Variants in FOXJ2 observed in about 807,000 individuals in gnomAD.
FOXJ2 encodes forkhead box protein J2.
FOXJ2 carries 18 observed loss-of-function variants against 68.4 expected under a neutral mutation model. That is an observed-to-expected ratio of 0.26 (90% CI 0.18 to 0.39). FOXJ2 has a LOEUF of 0.39. Ranked by LOEUF, FOXJ2 falls within the 10% of genes least tolerant of loss-of-function variation. The pLI, the probability that FOXJ2 is intolerant of heterozygous loss-of-function variation, is 1.00. For synonymous variants in FOXJ2, 274 were observed against 263.2 expected (o/e 1.04, Z -0.40); for missense variants, 670 against 726.5 (o/e 0.92, Z 0.89).
chr12:8,050,839 TCCTTTCCCTTC>T (rs1565631395), intron 10 of FOXJ2, among the ~76,000 whole-genome samples: 1 of 89,376 alleles, frequency 1.1e-5, no homozygotes, highest in African/African-American at 4.9e-5. Flanking sequence ...TCCCCTCCCT[TCCTTTCCCTTC>T]CCCTTCCCTT....
intron 10 of FOXJ2, among the ~76,000 whole-genome samples, chr12:8,051,049 T>C (rs1289846237): frequency 8.5e-6 from 1 of 118,332 alleles, no homozygotes; most frequent in African/African-American, 3.2e-5. Flanking sequence ...CCCTTCCCCT[T>C]CCCTTGCCCT....
chr12:8,037,846 C>T (rs1358846849), intron 1 of FOXJ2, among the ~76,000 whole-genome samples: 1 of 152,132 alleles, frequency 6.6e-6, no homozygotes, highest in Non-Finnish European at 1.5e-5. Flanking sequence ...AGCCCAGGGA[C>T]TGGGGTGTTT....
At chr12:8,043,850 C>T in intron 4 of FOXJ2, 81 bp downstream of exon 4, 1 of 1,605,456 alleles carries the variant, frequency 6.2e-7, no homozygotes, top group Non-Finnish European at 8.5e-7. Flanking sequence ...TCAGTCCTTT[C>T]AGAGGCAAAG....
At chr12:8,048,639 T>G (rs1295873177) in intron 7 of FOXJ2, 58 bp from the exon 8 acceptor site, 1 of 1,484,392 alleles carries the variant, frequency 6.7e-7, no homozygotes, top group Non-Finnish European at 9.4e-7. Context: ...TGGTATCAGT[T>G]GACTGCTGTC....
chr12:8,052,303 A>G (rs554795950), intron 10 of FOXJ2, among the ~76,000 whole-genome samples: 4 of 151,700 alleles, frequency 2.6e-5, no homozygotes, highest in Non-Finnish European at 5.9e-5. Flanking sequence ...GCTCACTGCA[A>G]GACCTCCCGG....
rs373983217 is a variant in FOXJ2, at chr12:8,040,435, T to A, written c.333+270T>A. On this transcript the variant is annotated intron_variant, in intron 2 of 10. Coordinates refer to ENST00000162391, the MANE Select transcript of FOXJ2 (RefSeq NM_018416.3). This position sits in a 1 kb window ranked among gnomAD's most constrained non-coding sequence, Gnocchi z 4.0. ...TCACACCCTCTTATCTTCTTTTTTT[T>A]TTTTGAGACAGAGTCTCGTACTGTC... is the stretch of plus-strand genomic sequence containing the variant. 4.6e-5 allele frequency among the ~76,000 whole-genome samples: 7 copies of A among 152,064 alleles called. No individual in the cohort carries two copies. Among genetic ancestry groups the A allele is most frequent in the South Asian group, 2.1e-4 (1 of 4,818 alleles).
Position 8,032,934 on chromosome 12 carries a change from C to A in FOXJ2, c.-914C>A. On this transcript the variant is annotated 5_prime_UTR_variant, in exon 1 of 11. In the 5' UTR this introduces an upstream ATG that the reference lacks. Transcript: ENST00000162391. This position sits in a 1 kb window ranked among gnomAD's most constrained non-coding sequence, Gnocchi z 4.8. Reference sequence around the variant, plus strand: ...TCGAGCCGCGGCCTCCCGGACCGTGCTGCCCAGGCCAGCTCAGGGACAGCC... The same window carrying A: ...TCGAGCCGCGGCCTCCCGGACCGTGATGCCCAGGCCAGCTCAGGGACAGCC... The A allele has an allele frequency of 2.5e-6, 1 of 397,442 alleles. No homozygotes were observed. The allele number at this position is 397,442 out of a possible 1,614,324, so 24.6% of individuals were successfully genotyped here.
In FOXJ2 at chr12:8,032,825, G is replaced by C; in HGVS notation, c.-1023G>C. On this transcript the variant is annotated 5_prime_UTR_variant, in exon 1 of 11. Coordinates refer to ENST00000162391, the MANE Select transcript of FOXJ2 (RefSeq NM_018416.3). The surrounding 1 kb of genome is among the most constrained non-coding windows in gnomAD (Gnocchi z 4.8). ...TCGGAGCCCGAGCGGTGGCAGCGCG[G>C]GGAGCCCCACGCGCCGAAGGGAGCG... 2.5e-6 allele frequency: 1 copy of C among 398,164 alleles called. No individual in the cohort carries two copies. Among genetic ancestry groups the C allele is most frequent in the Non-Finnish European group, 4.4e-6 (1 of 225,802 alleles). The allele number at this position is 398,164 out of a possible 1,614,324, so 24.7% of individuals were successfully genotyped here. A position where few individuals can be genotyped will look rare whatever the true frequency, so the allele number is the denominator to read the frequency against.
At chr12:8,044,682 G>A (rs1947010233) in intron 5 of FOXJ2, 78 bp from the exon 6 acceptor site, 3 of 1,480,600 alleles carry the variant, frequency 2.0e-6, no homozygotes, top group Non-Finnish European at 2.8e-6. Flanking sequence ...ACAGACAGGA[G>A]AGCCTGGTGA....
chr12:8,038,834 G>A lies in FOXJ2; in HGVS notation c.-14-985G>A, dbSNP rs1946929416. Among the ~76,000 whole-genome samples the A allele has an allele frequency of 6.6e-6, 1 of 152,198 alleles. No individual in the cohort carries two copies. Among genetic ancestry groups the A allele is most frequent in the Non-Finnish European group, 1.5e-5 (1 of 68,036 alleles). The stretch of plus-strand genomic sequence containing the variant: ...AGGAGTTTGCATGGAGGTGCAGCGA[G>A]CGTGCCTGCCTGGCTGGGAAGGAAG... On this transcript the variant is annotated intron_variant, in intron 1 of 10. Coordinates refer to ENST00000162391, the MANE Select transcript of FOXJ2 (RefSeq NM_018416.3). The surrounding 1 kb of genome is among the most constrained non-coding windows in gnomAD (Gnocchi z 5.3).
intron 1 of FOXJ2, 116 bp from the exon 2 acceptor site, chr12:8,039,703 A>C (rs1946939497): frequency 1.2e-6 from 1 of 865,322 alleles, no homozygotes; most frequent in African/African-American, 1.7e-5. Flanking sequence ...GTGGAAGGCC[A>C]TGCCATGGGT....
At position 8,040,021 on chromosome 12, in the gene FOXJ2, G is replaced by C. The variant is rs1199790766; in HGVS notation, c.189G>C (p.Gln63His). 3.1e-6 allele frequency: 5 copies of C among 1,613,992 alleles called. No individual in the cohort carries two copies. In the East Asian group the frequency reaches 1.1e-4, roughly 36 times the overall value. The change falls in exon 2 of 11, where the codon CAG becomes CAC. Residue 63 changes from glutamine (Q) to histidine (H), a missense_variant. By Grantham distance (24) the Gln-to-His change is conservative (BLOSUM62 0). Around this residue, in one of 2 missense-constraint regions of FOXJ2, gnomAD observed 115 missense variants for 164.3 expected, o/e 0.70. Transcript: ENST00000162391. The surrounding 1 kb of genome is among the most constrained non-coding windows in gnomAD (Gnocchi z 4.0). ...GCAAAGACGAGGCAGCAGTGCACCA[G>C]GACGGCAAGCCACGATACAGCTATG... ...TLSKDEAAVH[Q>H]DGKPRYSYAT... is the part of the protein sequence containing the mutation.
intron 6 of FOXJ2, among the ~76,000 whole-genome samples, chr12:8,045,526 A>G (rs1359417930): frequency 6.6e-6 from 1 of 151,866 alleles, no homozygotes; most frequent in Non-Finnish European, 1.5e-5. Context: ...TAAGTTTTGT[A>G]TTTTTAGTAG....
chr12:8,033,260 CAA>C lies in FOXJ2; in HGVS notation c.-586_-585del, dbSNP rs1256239103. ...TCTCAACAGTTCAGGACTTTGGAGG[CAA>C]AGAGAGACGGGGCTGTGCCTGTGGA... On this transcript the variant is annotated 5_prime_UTR_variant, in exon 1 of 11. Transcript: ENST00000162391. 1 of 175,792 alleles carries C rather than the reference CAA, an allele frequency of 5.7e-6. No individual in the cohort carries two copies. The highest frequency in any genetic ancestry group is 1.2e-5 in the Non-Finnish European group (1 of 84,216). The allele number at this position is 175,792 out of a possible 1,614,324, so 10.9% of individuals were successfully genotyped here.
chr12:8,047,917 A>T lies in FOXJ2; in HGVS notation c.853A>T (p.Asn285Tyr), dbSNP rs1398918005. The change falls in exon 7 of 11, where the codon AAC becomes TAC. Residue 285 changes from asparagine (N) to tyrosine (Y), a missense_variant. Physicochemically the swap from Asn to Tyr is moderately radical, Grantham distance 143. Transcript: ENST00000162391. ...TCTCCTGGGGGACATCCCACCCTCG[A>T]ACAACTACTACATGTATCAGCAGCA... Reference protein sequence around the residue: ...SSLLGDIPPSNNYYMYQQQQP... With the variant: ...SSLLGDIPPSYNYYMYQQQQP... 6.2e-7 allele frequency: 1 copy of T among 1,607,128 alleles called. No individual in the cohort carries two copies.
In FOXJ2 at chr12:8,044,963, G is replaced by T. The variant is rs186797550; in HGVS notation, c.817+5G>T. 3.6e-4 allele frequency: 583 copies of T among 1,614,150 alleles called. 3 individuals carry two copies. The East Asian group carries it at 0.013, about 35-fold the overall frequency. On this transcript the variant is annotated splice_donor_5th_base_variant and intron_variant, in intron 6 of 10. Coordinates refer to ENST00000162391, the MANE Select transcript of FOXJ2 (RefSeq NM_018416.3). ...CCTCTTCCTCCTCTCAGCACGGTGA[G>T]TCTGGAGTTGGGATGGGTGCAGGGA...
Position 8,040,012 on chromosome 12 carries a change from A to T in FOXJ2, c.180A>T (p.Ala60=). ...CCACCCTGAGCAAAGACGAGGCAGC[A>T]GTGCACCAGGACGGCAAGCCACGAT... ...PNATLSKDEA[A]VHQDGKPRYS... Residue 60 remains alanine (A), a synonymous_variant, in exon 2 of 11, where the codon GCA becomes GCT. Transcript: ENST00000162391. The surrounding 1 kb of genome is among the most constrained non-coding windows in gnomAD (Gnocchi z 4.0). 1 of 1,614,144 alleles carries T rather than the reference A, an allele frequency of 6.2e-7. No homozygotes were observed. The highest frequency in any genetic ancestry group is 8.5e-7 in the Non-Finnish European group (1 of 1,180,032).
chr12:8,050,222 C>T, intron 9 of FOXJ2: 2 of 652,572 alleles, frequency 3.1e-6, no homozygotes, highest in African/African-American at 1.9e-5. Context: ...GGGATCTACC[C>T]ACCTCGGCTG....
chr12:8,039,622 A>T (rs1238617419), intron 1 of FOXJ2, among the ~76,000 whole-genome samples, 197 bp from the exon 2 acceptor site: 1 of 152,170 alleles, frequency 6.6e-6, no homozygotes, highest in African/African-American at 2.4e-5. Context: ...CCTGCTCCAC[A>T]ATAAGATGTA....
Sources: allele counts gnomAD v4.1 joint callset (sites outside exome capture counted in the v4.1 genomes callset), GRCh38; gene constraint gnomAD v4.1.1; regional missense constraint gnomAD v4.1.1; non-coding constraint Gnocchi (gnomAD v3.1); transcripts MANE v1.5; gene names NCBI Gene and HGNC (gene_info 2026-07-23, HGNC 2026-07-21).